Variants in CHD6 observed in about 807,000 individuals in gnomAD.
The protein encoded by CHD6 is chromodomain helicase DNA binding protein 6.
Under a neutral mutation model 276.9 loss-of-function variants are expected in CHD6, and 50 were observed. That is an observed-to-expected ratio of 0.18 (90% confidence interval 0.14 to 0.23). The LOEUF (loss-of-function observed/expected upper bound fraction) is 0.23, where lower values mean the gene tolerates loss of function less well. Among genes scored for constraint, CHD6 ranks in the 10% least tolerant of loss-of-function variants. The probability of loss-of-function intolerance (pLI) is 1.00; values close to 1 mark genes in which losing one functional copy is unlikely to be tolerated. For missense variants in CHD6, 2,564 were observed against 3,365.8 expected, an observed-to-expected ratio of 0.76 and a Z score of 5.89; for synonymous variants, 1,173 against 1,229.3, an observed-to-expected ratio of 0.95 and a Z score of 0.96.
chr20:41,575,513 C>A (rs972434626), intron 1 of CHD6, among the ~76,000 whole-genome samples: 1 of 152,182 alleles, frequency 6.6e-6, no homozygotes, highest in African/African-American at 2.4e-5. Flanking sequence ...CAACTGCATA[C>A]TTAAGAGACT....
rs2047169462 is a variant in CHD6 at position 41,420,950 on chromosome 20, C to T, written c.5685G>A (p.Glu1895=). ...GERPEVLHLT[E]PTTNISREKN... is the part of the protein sequence containing the mutation. ...TTTCCCTTGAGATGTTAGTAGTGGGCTCCGTGAGATGCAATACCTCTGGCC... is the reference window on the plus strand; with the variant it reads ...TTTCCCTTGAGATGTTAGTAGTGGGTTCCGTGAGATGCAATACCTCTGGCC... The change falls in exon 31 of 37, where the codon GAG becomes GAA. Residue 1895 remains glutamate, a synonymous_variant. Transcript: ENST00000373233. The T allele has an allele frequency of 6.2e-7, 1 of 1,614,212 alleles. No individual in the cohort carries two copies. The highest frequency in any genetic ancestry group is 1.3e-5 in the African/African-American group (1 of 75,052).
Position 41,403,725 on chromosome 20 carries a change from G to A in CHD6, c.*868C>T, listed in dbSNP as rs965032587. The stretch of plus-strand genomic sequence containing the variant: ...GGTCCTGGTGCTCTTTAAACACAGA[G>A]AGGCAAATTAATGGCTAGAGAAATC... On this transcript the variant is annotated 3_prime_UTR_variant, in exon 37 of 37. Coordinates refer to ENST00000373233, the MANE Select transcript of CHD6 (RefSeq NM_032221.5). 8 of 1,057,454 alleles carry A rather than the reference G, an allele frequency of 7.6e-6. No individual in the cohort carries two copies. In the East Asian group the frequency reaches 2.1e-4, roughly 28 times the overall value. 65.5% of individuals were successfully genotyped at this position (1,057,454 alleles called of 1,614,324 possible). A position where few individuals can be genotyped will look rare whatever the true frequency, so the allele number is the denominator to read the frequency against.
intron 7 of CHD6, 153 bp from the exon 8 acceptor site, chr20:41,497,654 C>A: frequency 1.5e-6 from 1 of 660,980 alleles, no homozygotes; most frequent in Non-Finnish European, 2.7e-6. Flanking sequence ...AGACCTTCCC[C>A]TTAAGGGCAA....
Position 41,493,488 on chromosome 20 carries a change from A to T in CHD6, c.1314+50T>A, listed in dbSNP as rs774183026. On this transcript the variant is annotated intron_variant, in intron 10 of 36. Transcript: ENST00000373233. The stretch of plus-strand genomic sequence containing the variant: ...GTGGACTTCCATGATTGCAAAGTTC[A>T]TAAAATTACATGTTCCGAGAAGTGC... 8.2e-6 allele frequency: 13 copies of T among 1,582,132 alleles called. No homozygotes were observed. The East Asian group carries it at 2.5e-4, about 30-fold the overall frequency.
intron 1 of CHD6, among the ~76,000 whole-genome samples, chr20:41,570,935 C>T (rs1483004299): frequency 6.6e-6 from 1 of 152,120 alleles, no homozygotes; most frequent in Non-Finnish European, 1.5e-5. Flanking sequence ...TGGTAGATTC[C>T]TTAGCTTCTG....
chr20:41,598,416 C>A (rs73613229), intron 1 of CHD6, among the ~76,000 whole-genome samples: 3,403 of 152,224 alleles, frequency 0.022, 48 homozygotes, highest in South Asian at 0.041. Flanking sequence ...AAATGCCTGG[C>A]TAGCACGGAT....
intron 1 of CHD6, among the ~76,000 whole-genome samples, chr20:41,591,125 G>A (rs868786410): frequency 2.0e-5 from 3 of 148,568 alleles, no homozygotes; most frequent in Admixed American, 6.9e-5. Context: ...AAAACCAAAT[G>A]CTGCATGTTC....
intron 1 of CHD6, among the ~76,000 whole-genome samples, chr20:41,568,269 A>G (rs897814226): frequency 4.6e-5 from 7 of 152,234 alleles, no homozygotes; most frequent in Non-Finnish European, 8.8e-5. Flanking sequence ...ATTCTGTTTA[A>G]ATTCTTTATC....
chr20:41,531,349 TAAAA>T (rs1006491851), intron 3 of CHD6, among the ~76,000 whole-genome samples: 3 of 151,956 alleles, frequency 2.0e-5, no homozygotes, highest in African/African-American at 7.3e-5. Context: ...GTAATAATAA[TAAAA>T]AAAAGTTGCC....
At chr20:41,581,914 T>C (rs184157908) in intron 1 of CHD6, among the ~76,000 whole-genome samples, 6 of 152,128 alleles carry the variant, frequency 3.9e-5, no homozygotes, top group African/African-American at 1.4e-4. Flanking sequence ...AAAACATACA[T>C]GGATAACTAG....
chr20:41,509,804 C>T (rs2044071367), intron 5 of CHD6, among the ~76,000 whole-genome samples: 2 of 152,166 alleles, frequency 1.3e-5, no homozygotes, highest in African/African-American at 4.8e-5. Flanking sequence ...AATAAAGAGT[C>T]ACATTTAGGA....
chr20:41,590,867 C>A (rs2045650120), intron 1 of CHD6, among the ~76,000 whole-genome samples: 1 of 151,410 alleles, frequency 6.6e-6, no homozygotes, highest in African/African-American at 2.4e-5. Flanking sequence ...TGGGTATATA[C>A]CCAAAGGATT....
chr20:41,616,948 G>C (rs2045939294), intron 1 of CHD6, among the ~76,000 whole-genome samples: 1 of 152,222 alleles, frequency 6.6e-6, no homozygotes, highest in Admixed American at 6.5e-5. Flanking sequence ...GCAAAACCGA[G>C]TGGTCTGCCC....
intron 5 of CHD6, among the ~76,000 whole-genome samples, chr20:41,508,844 G>C (rs1047442624): frequency 1.1e-4 from 16 of 152,122 alleles, no homozygotes; most frequent in African/African-American, 2.9e-4. Context: ...TAAGGAAATG[G>C]AGGAAACAAA....
chr20:41,498,797 GTATGTATGTA>G (rs1433853324), intron 6 of CHD6, among the ~76,000 whole-genome samples: 10 of 83,718 alleles, frequency 1.2e-4, no homozygotes, highest in African/African-American at 3.8e-4. Context: ...ATGTATGTAT[GTATGTATGTA>G]TGTATGTGTG....
chr20:41,438,741 A>G (rs993008350), intron 26 of CHD6, among the ~76,000 whole-genome samples: 13 of 152,214 alleles, frequency 8.5e-5, no homozygotes, highest in Non-Finnish European at 8.8e-5. Flanking sequence ...AATAGCCTTT[A>G]TGCCACATTC....
intron 27 of CHD6, among the ~76,000 whole-genome samples, chr20:41,427,350 G>C (rs545547504): frequency 6.6e-6 from 1 of 152,186 alleles, no homozygotes; most frequent in African/African-American, 2.4e-5. Context: ...AGCGTTAACA[G>C]CTAATATTAC....
chr20:41,479,671 C>A (rs556899005), intron 16 of CHD6, among the ~76,000 whole-genome samples: 1 of 152,088 alleles, frequency 6.6e-6, no homozygotes, highest in Non-Finnish European at 1.5e-5. Context: ...GGAGAAGACA[C>A]TGTACTTGTG....
At chr20:41,415,040 G>A in intron 34 of CHD6, 146 bp downstream of exon 34, 1 of 1,450,710 alleles carries the variant, frequency 6.9e-7, no homozygotes, top group Non-Finnish European at 9.1e-7. Flanking sequence ...ACAGAAGATG[G>A]AGGGCATCTT....
Sources: allele counts gnomAD v4.1 joint callset (sites outside exome capture counted in the v4.1 genomes callset), GRCh38; gene constraint gnomAD v4.1.1; transcripts MANE v1.5; gene names NCBI Gene and HGNC (gene_info 2026-07-23, HGNC 2026-07-21).